RAPGEF1: variants seen among roughly 807,000 people sequenced by gnomAD.
RAPGEF1 encodes the protein CRK SH3-binding GNRP.
Under a neutral mutation model 143.3 loss-of-function variants are expected in RAPGEF1, and 33 were observed. The ratio of observed to expected loss-of-function variants is 0.23; its 90% CI spans 0.17 to 0.31. RAPGEF1 has a LOEUF of 0.31. Ranked by LOEUF, RAPGEF1 falls within the 10% of genes least tolerant of loss-of-function variation. The pLI, the probability that RAPGEF1 is intolerant of heterozygous loss-of-function variation, is 1.00. For synonymous variants in RAPGEF1, 629 were observed against 676.5 expected (o/e 0.93, Z 1.09); for missense variants, 1,199 against 1,645.4 (o/e 0.73, Z 4.69).
chr9:131,652,596 A>G (rs1408448372), intron 1 of RAPGEF1, among the ~76,000 whole-genome samples: 2 of 152,152 alleles, frequency 1.3e-5, no homozygotes, highest in Non-Finnish European at 2.9e-5. Flanking sequence ...GCCTAGGTCT[A>G]CGGGGGCAGG....
intron 1 of RAPGEF1, among the ~76,000 whole-genome samples, chr9:131,730,697 CAAAAAAA>C (rs56044744): frequency 3.0e-4 from 24 of 80,370 alleles, no homozygotes; most frequent in South Asian, 9.5e-4. Context: ...GACTCCATCT[CAAAAAAA>C]AAAAAAAAAA....
chr9:131,700,233 C>T (rs1311652165), intron 1 of RAPGEF1, among the ~76,000 whole-genome samples: 3 of 152,208 alleles, frequency 2.0e-5, no homozygotes, highest in Non-Finnish European at 4.4e-5. Flanking sequence ...CTCCAGCCTC[C>T]GCCCTAGTCA....
chr9:131,697,298 G>C (rs913739730), intron 1 of RAPGEF1, among the ~76,000 whole-genome samples: 3 of 152,228 alleles, frequency 2.0e-5, no homozygotes, highest in Non-Finnish European at 4.4e-5. Context: ...ACAGAGACTT[G>C]AAATGGGTGA....
chr9:131,639,556 C>T (rs757499592), intron 4 of RAPGEF1, among the ~76,000 whole-genome samples: 8 of 151,692 alleles, frequency 5.3e-5, no homozygotes, highest in East Asian at 1.9e-4. Context: ...GAGTAGCAGC[C>T]GAATGGAGAA....
intron 1 of RAPGEF1, among the ~76,000 whole-genome samples, chr9:131,722,274 G>A (rs34944570): frequency 0.093 from 14,133 of 152,174 alleles, 951 homozygotes; most frequent in African/African-American, 0.18. Context: ...GAAAATTCTT[G>A]GAGAGGGCCT....
At chr9:131,672,276 TC>T (rs1309880614) in intron 1 of RAPGEF1, among the ~76,000 whole-genome samples, 1 of 152,256 alleles carries the variant, frequency 6.6e-6, no homozygotes, top group African/African-American at 2.4e-5. Flanking sequence ...ACAAAATATG[TC>T]AAAAATCTAA....
chr9:131,731,559 G>A (rs1837075085), intron 1 of RAPGEF1, among the ~76,000 whole-genome samples: 2 of 152,118 alleles, frequency 1.3e-5, no homozygotes, highest in Non-Finnish European at 2.9e-5. Context: ...CTCAGTTACT[G>A]TCAGTGTCAC....
intron 17 of RAPGEF1, among the ~76,000 whole-genome samples, chr9:131,594,303 C>T (rs919465122): frequency 6.6e-6 from 1 of 152,238 alleles, no homozygotes; most frequent in African/African-American, 2.4e-5. Context: ...AATTGTCCCT[C>T]ATTTTCCTCC....
chr9:131,621,273 G>A lies in RAPGEF1; in HGVS notation c.1905+523C>T, dbSNP rs1175530003. Among the ~76,000 whole-genome samples the A allele has an allele frequency of 6.6e-6, 1 of 152,214 alleles. No individual in the cohort carries two copies. Among genetic ancestry groups the A allele is most frequent in the Non-Finnish European group, 1.5e-5 (1 of 68,038 alleles). On this transcript the variant is annotated intron_variant, in intron 11 of 26. Transcript: ENST00000683357. This position sits in a 1 kb window ranked among gnomAD's most constrained non-coding sequence, Gnocchi z 4.5. ...AGAGGAAGGTGCCATGTCTGAAACAGAGTGGCTCTGTTTAAAGCCATCCTC... is the reference window on the plus strand; with the variant it reads ...AGAGGAAGGTGCCATGTCTGAAACAAAGTGGCTCTGTTTAAAGCCATCCTC...
chr9:131,579,809 T>G (rs1459036512), intron 26 of RAPGEF1, among the ~76,000 whole-genome samples, 162 bp from the exon 27 acceptor site: 1 of 152,130 alleles, frequency 6.6e-6, no homozygotes, highest in Non-Finnish European at 1.5e-5. Flanking sequence ...GGGACACCAG[T>G]GCTCAGAGAC....
chr9:131,683,384 A>C (rs1218100008), intron 1 of RAPGEF1, among the ~76,000 whole-genome samples: 1 of 152,232 alleles, frequency 6.6e-6, no homozygotes, highest in African/African-American at 2.4e-5. Flanking sequence ...TTCCCCTTGG[A>C]ATTCTCTAGT....
intron 1 of RAPGEF1, among the ~76,000 whole-genome samples, chr9:131,725,628 T>A (rs1343599845): frequency 1.3e-5 from 2 of 152,082 alleles, no homozygotes; most frequent in East Asian, 3.9e-4. Flanking sequence ...CCAGCTCTGT[T>A]TGTAGTTTTG....
chr9:131,714,084 T>G (rs1386816785), intron 1 of RAPGEF1, among the ~76,000 whole-genome samples: 2 of 152,034 alleles, frequency 1.3e-5, no homozygotes, highest in African/African-American at 4.8e-5. Flanking sequence ...GGTCTCCCTA[T>G]ATTGCCCAGG....
intron 1 of RAPGEF1, among the ~76,000 whole-genome samples, chr9:131,653,932 A>G (rs1289131014): frequency 6.6e-6 from 1 of 152,274 alleles, no homozygotes; most frequent in East Asian, 1.9e-4. Context: ...CATACAATGG[A>G]ATATTATTTG....
At chr9:131,727,790 T>C (rs1489703531) in intron 1 of RAPGEF1, among the ~76,000 whole-genome samples, 1 of 129,102 alleles carries the variant, frequency 7.7e-6, no homozygotes, top group Non-Finnish European at 1.6e-5. Flanking sequence ...GGGTAATTAA[T>C]AGAGAAAGCT....
At chr9:131,589,637 G>T (rs1330644335) in intron 19 of RAPGEF1, among the ~76,000 whole-genome samples, 1 of 152,218 alleles carries the variant, frequency 6.6e-6, no homozygotes, top group Admixed American at 6.5e-5. Flanking sequence ...ATGGGAGCAG[G>T]TGCGTTGGGC....
chr9:131,620,509 G>A (rs1960557214), intron 11 of RAPGEF1, among the ~76,000 whole-genome samples: 2 of 152,168 alleles, frequency 1.3e-5, no homozygotes, highest in Non-Finnish European at 2.9e-5. Context: ...GAGCAATTGA[G>A]ATTCACATTC....
intron 6 of RAPGEF1, 87 bp downstream of exon 6, chr9:131,630,149 G>T: frequency 1.6e-5 from 19 of 1,215,016 alleles, no homozygotes; most frequent in East Asian, 2.4e-5. Flanking sequence ...CCCTCATGCT[G>T]CCCACCCCAC....
intron 6 of RAPGEF1, among the ~76,000 whole-genome samples, chr9:131,629,553 G>T (rs1410634117): frequency 6.6e-6 from 1 of 152,142 alleles, no homozygotes; most frequent in Non-Finnish European, 1.5e-5. Context: ...CACTTTGGGA[G>T]GTCAAGGCGG....
Sources: gnomAD v4.1 joint callset for allele counts (sites outside exome capture counted in the v4.1 genomes callset) on GRCh38, gnomAD v4.1.1 for gene constraint, Gnocchi (gnomAD v3.1) non-coding constraint, MANE v1.5 for transcripts, NCBI Gene and HGNC (gene_info 2026-07-23, HGNC 2026-07-21) for gene names.